Variants in ANGPT1 observed in about 807,000 individuals in gnomAD.
ANGPT1 encodes angiopoietin-1.
Under a neutral mutation model 62.2 loss-of-function variants are expected in ANGPT1, and 17 were observed. The observed-to-expected ratio is 0.27, with a 90% CI of 0.19 to 0.41. The LOEUF (loss-of-function observed/expected upper bound fraction) is 0.41. Ranked by LOEUF, ANGPT1 falls within the 10% of genes least tolerant of loss-of-function variation. ANGPT1 has a pLI of 1.00. For synonymous variants in ANGPT1, 199 were observed against 198.9 expected (o/e 1.00, Z 0.00); for missense variants, 478 against 594.9 (o/e 0.80, Z 2.04).
intron 1 of ANGPT1, among the ~76,000 whole-genome samples, chr8:107,436,880 TTA>T (rs1274692862): frequency 5.3e-5 from 8 of 152,196 alleles, no homozygotes; most frequent in Non-Finnish European, 2.9e-5. Context: ...AATCAACAAC[TTA>T]TTTGTATAAC....
intron 1 of ANGPT1, among the ~76,000 whole-genome samples, chr8:107,427,820 A>G (rs557820271): frequency 1.3e-5 from 2 of 152,296 alleles, no homozygotes; most frequent in Admixed American, 1.3e-4. Flanking sequence ...TAGGAGGAGG[A>G]GGAGAAACGG....
chr8:107,446,229 T>A (rs1811615617), intron 1 of ANGPT1, among the ~76,000 whole-genome samples: 1 of 152,246 alleles, frequency 6.6e-6, no homozygotes, highest in Non-Finnish European at 1.5e-5. Flanking sequence ...TAGTGTATAT[T>A]ATTTAACCCA....
Position 107,251,905 on chromosome 8 carries a change from T to C in ANGPT1, c.1447A>G (p.Ser483Gly). The change falls in exon 9 of 9, where the codon AGT (serine) becomes GGT (glycine). Residue 483 changes from serine to glycine, a missense_variant. Ser to Gly is a moderately conservative substitution (Grantham distance 56). This residue lies in a region of ANGPT1 where 35 missense variants were observed against 49.6 expected (regional missense o/e 0.71). Coordinates refer to ENST00000517746, the MANE Select transcript of ANGPT1 (RefSeq NM_001146.5). The stretch of plus-strand genomic sequence containing the variant: ...ATAGTTGTGGAACGTAAGGAGTAAC[T>C]GGGCCCTTTGAAGTAGTGCCACTTT... ...GIKWHYFKGP[S>G]YSLRSTTMMI... 1 of 1,614,036 alleles carries C rather than the reference T, an allele frequency of 6.2e-7. No individual in the cohort carries two copies. Among genetic ancestry groups the C allele is most frequent in the South Asian group, 1.1e-5 (1 of 91,078 alleles).
At chr8:107,411,079 T>C (rs1055271502) in intron 1 of ANGPT1, among the ~76,000 whole-genome samples, 1 of 152,188 alleles carries the variant, frequency 6.6e-6, no homozygotes, top group African/African-American at 2.4e-5. Flanking sequence ...TTGACCTTTT[T>C]AACAAATATT....
intron 1 of ANGPT1, among the ~76,000 whole-genome samples, chr8:107,405,125 CA>C (rs1038697280): frequency 1.6e-4 from 24 of 151,698 alleles, no homozygotes; most frequent in African/African-American, 5.1e-4. Context: ...AAGAAAAAAT[CA>C]CCTACAATTA....
intron 8 of ANGPT1, among the ~76,000 whole-genome samples, chr8:107,254,659 C>A (rs1272968618): frequency 6.6e-6 from 1 of 152,024 alleles, no homozygotes; most frequent in Non-Finnish European, 1.5e-5. Flanking sequence ...ACAGCACCTG[C>A]AAAGGCGATG....
intron 1 of ANGPT1, among the ~76,000 whole-genome samples, chr8:107,386,685 A>G (rs1054730618): frequency 1.3e-5 from 2 of 152,128 alleles, no homozygotes; most frequent in East Asian, 1.9e-4. Flanking sequence ...TGTACGAATG[A>G]TAATTATACC....
At chr8:107,347,637 G>A (rs1815834733) in intron 1 of ANGPT1, among the ~76,000 whole-genome samples, 1 of 152,104 alleles carries the variant, frequency 6.6e-6, no homozygotes, top group Non-Finnish European at 1.5e-5. Flanking sequence ...GGGGAAATGG[G>A]ATGAGGAGTG....
chr8:107,303,498 C>A lies in ANGPT1; in HGVS notation c.809-131G>T. On this transcript the variant is annotated intron_variant, in intron 4 of 8. Coordinates refer to ENST00000517746, the MANE Select transcript of ANGPT1 (RefSeq NM_001146.5). ...GTCAATATCGCACATAGTAAAAAGT[C>A]AATCATAAAGACAATACTAGATTTT... The A allele has an allele frequency of 7.2e-6, 5 of 692,870 alleles. No homozygotes were observed. In the South Asian group the frequency reaches 7.8e-5, roughly 11 times the overall value. The allele number at this position is 692,870 out of a possible 1,614,324, so 42.9% of individuals were successfully genotyped here.
chr8:107,342,827 ACAC>A (rs1815722643), intron 2 of ANGPT1, among the ~76,000 whole-genome samples: 2 of 130,494 alleles, frequency 1.5e-5, no homozygotes, highest in African/African-American at 3.2e-5. Context: ...ACACACACAC[ACAC>A]AAGTGTATAT....
chr8:107,256,287 CTCTGTTT>C (rs1191222717), intron 8 of ANGPT1, among the ~76,000 whole-genome samples: 2 of 152,114 alleles, frequency 1.3e-5, no homozygotes, highest in African/African-American at 4.8e-5. Flanking sequence ...GGCAAGGATT[CTCTGTTT>C]TCTTTGATAT....
chr8:107,489,147 C>A (rs774102300), intron 1 of ANGPT1, among the ~76,000 whole-genome samples: 1 of 152,086 alleles, frequency 6.6e-6, no homozygotes, highest in Non-Finnish European at 1.5e-5. Context: ...TAAGCCATTT[C>A]GTTGAAATTT....
At chr8:107,310,805 T>C (rs1814831660) in intron 4 of ANGPT1, among the ~76,000 whole-genome samples, 2 of 152,126 alleles carry the variant, frequency 1.3e-5, no homozygotes, top group African/African-American at 4.8e-5. Context: ...TAATTTTAGG[T>C]ATTATTCTCA....
chr8:107,438,738 A>G (rs1004022746), intron 1 of ANGPT1, among the ~76,000 whole-genome samples: 9 of 152,138 alleles, frequency 5.9e-5, no homozygotes, highest in African/African-American at 2.2e-4. Context: ...ATGCAAATTC[A>G]TTTTATGTAG....
At chr8:107,306,189 G>C (rs1461926784) in intron 4 of ANGPT1, among the ~76,000 whole-genome samples, 4 of 152,020 alleles carry the variant, frequency 2.6e-5, no homozygotes, top group Non-Finnish European at 5.9e-5. Flanking sequence ...AATGTGGAAG[G>C]CCAGTCTAGG....
intron 1 of ANGPT1, among the ~76,000 whole-genome samples, chr8:107,431,710 A>T (rs536029449): frequency 1.8e-4 from 26 of 145,178 alleles, no homozygotes; most frequent in African/African-American, 6.5e-4. Flanking sequence ...CCTTCCTACC[A>T]GATTTTCAGG....
intron 5 of ANGPT1, among the ~76,000 whole-genome samples, chr8:107,298,247 A>C (rs1463821568): frequency 6.6e-6 from 1 of 151,976 alleles, no homozygotes; most frequent in Non-Finnish European, 1.5e-5. Context: ...TGTGAATGTT[A>C]ATTATTTTTC....
chr8:107,440,080 C>A (rs1811434902), intron 1 of ANGPT1, among the ~76,000 whole-genome samples: 2 of 152,024 alleles, frequency 1.3e-5, no homozygotes, highest in South Asian at 4.2e-4. Flanking sequence ...GGCAGAACAT[C>A]TAAGTAAAGA....
intron 1 of ANGPT1, among the ~76,000 whole-genome samples, chr8:107,370,538 C>T (rs1305546385): frequency 9.3e-6 from 1 of 107,628 alleles, no homozygotes; most frequent in Non-Finnish European, 1.9e-5. Context: ...ATGGTCTCTA[C>T]TAAAAATAAA....
Sources: allele counts gnomAD v4.1 joint callset (sites outside exome capture counted in the v4.1 genomes callset), GRCh38; gene constraint gnomAD v4.1.1; regional missense constraint gnomAD v4.1.1; transcripts MANE v1.5; gene names NCBI Gene and HGNC (gene_info 2026-07-23, HGNC 2026-07-21).